Variants in SLC2A14 observed in about 807,000 individuals in gnomAD.
SLC2A14 encodes the protein solute carrier family 2, facilitated glucose transporter member 14.
SLC2A14 carries 13 observed loss-of-function variants against 43.0 expected under a neutral mutation model. That is an observed-to-expected ratio of 0.30 (90% CI 0.20 to 0.48). The LOEUF (loss-of-function observed/expected upper bound fraction) is 0.48. Among genes scored for constraint, SLC2A14 ranks in the 20% least tolerant of loss-of-function variants. The pLI, the probability that SLC2A14 is intolerant of heterozygous loss-of-function variation, is 0.99. For missense variants in SLC2A14, 428 were observed against 620.4 expected (o/e 0.69, Z 3.29); for synonymous variants, 190 against 233.8 (o/e 0.81, Z 1.71).
At chr12:7,843,936 G>T (rs947032572) in intron 2 of SLC2A14, among the ~76,000 whole-genome samples, 1 of 150,098 alleles carries the variant, frequency 6.7e-6, no homozygotes, top group Non-Finnish European at 1.5e-5. Flanking sequence ...AGAATTGAGG[G>T]TGAGTTCTTC....
chr12:7,827,270 C>CTTTT (rs71038780), intron 7 of SLC2A14, among the ~76,000 whole-genome samples: 3 of 99,248 alleles, frequency 3.0e-5, no homozygotes, highest in Non-Finnish European at 3.8e-5. Context: ...TAATTTTTGT[C>CTTTT]TTTTTTTTTT....
intron 1 of SLC2A14, among the ~76,000 whole-genome samples, chr12:7,870,382 A>T (rs1472954681): frequency 6.6e-6 from 1 of 152,154 alleles, no homozygotes; most frequent in Non-Finnish European, 1.5e-5. Context: ...TCATAGCATC[A>T]CCTTAGCCTA....
intron 1 of SLC2A14, among the ~76,000 whole-genome samples, chr12:7,872,550 C>A (rs772239911): frequency 7.9e-5 from 12 of 152,186 alleles, no homozygotes; most frequent in Non-Finnish European, 1.2e-4. Context: ...TCCAGCAAGG[C>A]AAGGGCTGGG....
intron 3 of SLC2A14, 113 bp downstream of exon 3, chr12:7,832,609 G>T: frequency 1.7e-6 from 2 of 1,148,116 alleles, no homozygotes; most frequent in East Asian, 2.4e-5. Context: ...CGGAGTAGCT[G>T]GGACTCCAGG....
chr12:7,833,866 C>A (rs1041185566), intron 2 of SLC2A14, among the ~76,000 whole-genome samples: 2 of 151,896 alleles, frequency 1.3e-5, no homozygotes, highest in African/African-American at 4.8e-5. Flanking sequence ...TTCAGCTGGG[C>A]AAGTGGATAT....
intron 2 of SLC2A14, among the ~76,000 whole-genome samples, chr12:7,846,402 G>T: frequency 2.0e-5 from 3 of 147,068 alleles, no homozygotes; most frequent in Admixed American, 6.7e-5. Flanking sequence ...CTCATTATTG[G>T]TTAAAAAAAA....
At chr12:7,871,656 G>A (rs1423460913) in intron 1 of SLC2A14, among the ~76,000 whole-genome samples, 1 of 152,008 alleles carries the variant, frequency 6.6e-6, no homozygotes, top group Non-Finnish European at 1.5e-5. Flanking sequence ...GGACCTGGAG[G>A]TACTGAGAGA....
intron 2 of SLC2A14, among the ~76,000 whole-genome samples, chr12:7,865,907 C>T (rs1210145339): frequency 6.6e-6 from 1 of 152,092 alleles, no homozygotes; most frequent in African/African-American, 2.4e-5. Context: ...AAGTGCTACT[C>T]CAGTGAACAC....
intron 7 of SLC2A14, 97 bp from the exon 8 acceptor site, chr12:7,821,422 C>G (rs558173866): frequency 1.9e-6 from 2 of 1,067,770 alleles, no homozygotes; most frequent in African/African-American, 3.1e-5. Flanking sequence ...GTTGCACAGG[C>G]CTGTAATCCC....
intron 9 of SLC2A14, among the ~76,000 whole-genome samples, chr12:7,818,651 G>A (rs1470818036): frequency 6.6e-6 from 1 of 151,446 alleles, no homozygotes; most frequent in Non-Finnish European, 1.5e-5. Context: ...GACACAGCAA[G>A]ACCCTGTCTC....
rs139542085 is a variant in SLC2A14 at position 7,826,853 on chromosome 12, C to CCTTCCTTCCTTCCTTCCTTCCTTCCTTT, written c.864+641_864+642insAAAGGAAGGAAGGAAGGAAGGAAGGAAG. On this transcript the variant is annotated intron_variant, in intron 7 of 10. Transcript: ENST00000431042. Reference sequence around the variant, plus strand: ...TCTTTCTTTCCTTCCTTCCTTCCTTCCTTTCTTTTTTCTTTCTTTCTTTCT... The same window carrying CCTTCCTTCCTTCCTTCCTTCCTTCCTTT: ...TCTTTCTTTCCTTCCTTCCTTCCTTCCTTCCTTCCTTCCTTCCTTCCTTCCTTTCTTTCTTTTTTCTTTCTTTCTTTCT... Among the ~76,000 whole-genome samples, 74 of 34,466 alleles carry CCTTCCTTCCTTCCTTCCTTCCTTCCTTT rather than the reference C, an allele frequency of 2.1e-3. 8 individuals are homozygous for CCTTCCTTCCTTCCTTCCTTCCTTCCTTT. The highest frequency in any genetic ancestry group is 6.9e-3 in the African/African-American group (58 of 8,438). 22.6% of individuals were successfully genotyped at this position (34,466 alleles called of 152,430 possible). A position where few individuals can be genotyped will look rare whatever the true frequency, so the allele number is the denominator to read the frequency against.
At position 7,890,942 on chromosome 12, in the gene SLC2A14, C is replaced by A. The variant is rs1945765690; in HGVS notation, c.132+54G>T. The A allele has an allele frequency of 1.1e-5, 17 of 1,492,992 alleles. No homozygotes were observed. The South Asian group carries it at 2.0e-4, about 18-fold the overall frequency. The allele number at this position is 1,492,992 out of a possible 1,614,324, so 92.5% of individuals were successfully genotyped here. ...AAGTTTTTCCCTTTTTTAAAGAAAT[C>A]ATCCTCGACATGGACTACCTGCCTT... On this transcript the variant is annotated intron_variant, in intron 1 of 9. Coordinates refer to the SLC2A14 transcript ENST00000539924.
rs71038778 is a variant in SLC2A14, at chr12:7,826,834, T to TTTCCTTCCTTCCTTCC, written c.864+645_864+660dup. On this transcript the variant is annotated intron_variant, in intron 7 of 10. Coordinates refer to ENST00000431042, the MANE Select transcript of SLC2A14 (RefSeq NM_001286234.2). ...TCGCTCTTTTTTCTTTCTTTCTTTC[T>TTTCCTTCCTTCCTTCC]TTCCTTCCTTCCTTCCTTCCTTTCT... is the stretch of plus-strand genomic sequence containing the variant. 4.1e-4 allele frequency among the ~76,000 whole-genome samples: 12 copies of TTTCCTTCCTTCCTTCC among 29,608 alleles called. 1 individual carries two copies. Among genetic ancestry groups the TTTCCTTCCTTCCTTCC allele is most frequent in the South Asian group, 1.5e-3 (1 of 650 alleles). 19.4% of individuals were successfully genotyped at this position (29,608 alleles called of 152,430 possible). A position where few individuals can be genotyped will look rare whatever the true frequency, so the allele number is the denominator to read the frequency against.
chr12:7,829,159 C>T (rs1278792178), intron 5 of SLC2A14, among the ~76,000 whole-genome samples: 1 of 151,700 alleles, frequency 6.6e-6, no homozygotes, highest in Admixed American at 6.6e-5. Flanking sequence ...TTGCAGTGAG[C>T]CGAGATCGCG....
rs774494546 is a variant in SLC2A14, at chr12:7,828,768, T to C, written c.612A>G (p.Pro204=). The C allele has an allele frequency of 1.2e-6, 2 of 1,614,142 alleles. No homozygotes were observed. The highest frequency in any genetic ancestry group is 1.1e-5 in the South Asian group (1 of 91,074). Residue 204 remains proline (P), a synonymous_variant, in exon 6 of 11, where the codon CCA becomes CCG. Transcript: ENST00000431042. ...LPAILQSAAL[P]CCPESPRFLL... Reference sequence around the variant, plus strand: ...AAAATCTGGGACTTTCAGGGCAACATGGAAGGGCTGCACTTTGCAGGATAG... The same window carrying C: ...AAAATCTGGGACTTTCAGGGCAACACGGAAGGGCTGCACTTTGCAGGATAG...
At chr12:7,828,240 C>T (rs1565512240) in intron 6 of SLC2A14, among the ~76,000 whole-genome samples, 6 of 152,016 alleles carry the variant, frequency 3.9e-5, no homozygotes. Flanking sequence ...TCGCGCGCAC[C>T]TGTAGTCCCA....
chr12:7,826,834 T>TTTCCTTCCTTCCTTCCTTCCTTCC (rs71038778), intron 7 of SLC2A14, among the ~76,000 whole-genome samples: 3 of 29,570 alleles, frequency 1.0e-4, no homozygotes, highest in African/African-American at 3.5e-4. Flanking sequence ...TCTTTCTTTC[T>TTTCCTTCCTTCCTTCCTTCCTTCC]TTCCTTCCTT....
intron 2 of SLC2A14, among the ~76,000 whole-genome samples, chr12:7,845,805 C>T (rs1866421966): frequency 7.5e-6 from 1 of 132,536 alleles, no homozygotes; most frequent in South Asian, 2.4e-4. Context: ...GAAATGCAAA[C>T]TCAAGGCCAG....
At chr12:7,849,694 A>G (rs960788727) in intron 2 of SLC2A14, among the ~76,000 whole-genome samples, 1 of 151,856 alleles carries the variant, frequency 6.6e-6, no homozygotes, top group Non-Finnish European at 1.5e-5. Context: ...AGGTAGGGAA[A>G]TGGAGACCAG....
Sources: allele counts gnomAD v4.1 joint callset (sites outside exome capture counted in the v4.1 genomes callset), GRCh38; gene constraint gnomAD v4.1.1; transcripts MANE v1.5; gene names NCBI Gene and HGNC (gene_info 2026-07-23, HGNC 2026-07-21).